Variants in KCND3 observed in about 807,000 individuals in gnomAD.
KCND3 encodes potassium voltage-gated channel subfamily D member 3.
In KCND3, 9 loss-of-function variants were observed where a neutral mutation model predicts 51.1. The observed-to-expected ratio is 0.18, with a 90% CI of 0.11 to 0.31. KCND3 has a LOEUF of 0.31. Among genes scored for constraint, KCND3 ranks in the 10% least tolerant of loss-of-function variants. The pLI is 1.00. For missense variants in KCND3, 526 were observed against 903.8 expected (o/e 0.58, Z 5.36); for synonymous variants, 349 against 368.0 (o/e 0.95, Z 0.59).
At chr1:111,879,970 C>T (rs1669228796) in intron 2 of KCND3, among the ~76,000 whole-genome samples, 1 of 152,084 alleles carries the variant, frequency 6.6e-6, no homozygotes. Context: ...TTCATTTCCT[C>T]ATTTGAAAAA....
At chr1:111,883,207 G>A (rs1669419318) in intron 2 of KCND3, among the ~76,000 whole-genome samples, 1 of 152,220 alleles carries the variant, frequency 6.6e-6, no homozygotes, top group Admixed American at 6.5e-5. Flanking sequence ...CACGTGCCAG[G>A]CACTGAGCCA....
intron 2 of KCND3, among the ~76,000 whole-genome samples, chr1:111,806,948 C>T (rs1181146402): frequency 6.6e-6 from 1 of 152,210 alleles, no homozygotes; most frequent in African/African-American, 2.4e-5. Flanking sequence ...TAAATATCCC[C>T]TCTATGGACT....
At position 111,938,424 on chromosome 1, in the gene KCND3, T is replaced by G. The variant is rs889424342; in HGVS notation, c.1106+43197A>C. ...TCTATGTGCCAGGCTAGAGTCAGAA[T>G]GTAATAGGAAATAAAGCAGTGAAGT... is the stretch of plus-strand genomic sequence containing the variant. On this transcript the variant is annotated intron_variant, in intron 2 of 7. Transcript: ENST00000302127. Among the ~76,000 whole-genome samples the G allele has an allele frequency of 3.9e-5, 6 of 152,290 alleles. No individual in the cohort carries two copies. The East Asian group carries it at 1.2e-3, about 29-fold the overall frequency.
intron 3 of KCND3, among the ~76,000 whole-genome samples, chr1:111,786,038 A>G (rs1047283004): frequency 6.6e-6 from 1 of 152,226 alleles, no homozygotes; most frequent in African/African-American, 2.4e-5. Flanking sequence ...CTGGGGGCTG[A>G]GATGCTGCTG....
chr1:111,781,223 G>A (rs1000622029), intron 3 of KCND3, among the ~76,000 whole-genome samples: 3 of 152,170 alleles, frequency 2.0e-5, no homozygotes, highest in Non-Finnish European at 4.4e-5. Flanking sequence ...GCATATAGTA[G>A]GTCCCCAAGT....
Position 111,981,890 on chromosome 1 carries a change from G to A in KCND3, c.837C>T (p.Asn279=), listed in dbSNP as rs761397595. The change falls in exon 2 of 8, where the codon AAC becomes AAT. Residue 279 remains asparagine (N), a synonymous_variant. Transcript: ENST00000302127. This position sits in a 1 kb window ranked among gnomAD's most constrained non-coding sequence, Gnocchi z 6.2. ...PYYIGLVMTN[N]EDVSGAFVTL... ...TGACGAAGGCGCCGGACACGTCCTC[G>A]TTGTTGGTCATGACCAGACCGATGT... 5.6e-6 allele frequency: 9 copies of A among 1,613,990 alleles called. No homozygotes were observed. Among genetic ancestry groups the A allele is most frequent in the African/African-American group, 1.3e-5 (1 of 74,900 alleles).
chr1:111,957,686 G>T (rs892796110), intron 2 of KCND3, among the ~76,000 whole-genome samples: 16 of 152,198 alleles, frequency 1.1e-4, no homozygotes, highest in Admixed American at 6.5e-4. Flanking sequence ...TGGACCTGGT[G>T]TCAGGCTCCT....
At chr1:111,820,403 C>T (rs1666291583) in intron 2 of KCND3, among the ~76,000 whole-genome samples, 1 of 152,218 alleles carries the variant, frequency 6.6e-6, no homozygotes, top group Non-Finnish European at 1.5e-5. Context: ...ACATCATCTT[C>T]TTGTGCCTTG....
intron 2 of KCND3, among the ~76,000 whole-genome samples, chr1:111,808,186 G>A (rs1044222687): frequency 6.6e-6 from 1 of 152,150 alleles, no homozygotes; most frequent in Non-Finnish European, 1.5e-5. Flanking sequence ...AGAGAAGTAG[G>A]AACTCAATAA....
intron 2 of KCND3, among the ~76,000 whole-genome samples, chr1:111,885,012 C>G (rs1268155748): frequency 6.6e-6 from 1 of 152,124 alleles, no homozygotes; most frequent in African/African-American, 2.4e-5. Flanking sequence ...ATGTGACAAC[C>G]AAAAATGTCT....
chr1:111,898,660 A>G (rs1670240984), intron 2 of KCND3, among the ~76,000 whole-genome samples: 1 of 152,212 alleles, frequency 6.6e-6, no homozygotes, highest in African/African-American at 2.4e-5. Flanking sequence ...GTGTGCTTCA[A>G]CTGTACACAA....
intron 2 of KCND3, among the ~76,000 whole-genome samples, chr1:111,816,881 GAC>G (rs1666113211): frequency 6.6e-6 from 1 of 152,142 alleles, no homozygotes; most frequent in Non-Finnish European, 1.5e-5. Flanking sequence ...CACACCTACT[GAC>G]ACACACTTGG....
chr1:111,958,920 C>A (rs1331916582), intron 2 of KCND3, among the ~76,000 whole-genome samples: 1 of 152,200 alleles, frequency 6.6e-6, no homozygotes, highest in African/African-American at 2.4e-5. Context: ...GGCCATATGC[C>A]ATGTTCTCCA....
intron 2 of KCND3, among the ~76,000 whole-genome samples, chr1:111,885,020 T>A (rs970222218): frequency 7.9e-5 from 12 of 152,158 alleles, no homozygotes; most frequent in African/African-American, 2.7e-4. Context: ...ACCAAAAATG[T>A]CTCCAGACAT....
chr1:111,776,191 G>T lies in KCND3; in HGVS notation c.1854C>A (p.Pro618=), dbSNP rs1664100783. 1.2e-6 allele frequency: 2 copies of T among 1,614,118 alleles called. No individual in the cohort carries two copies. Among genetic ancestry groups the T allele is most frequent in the Non-Finnish European group, 1.7e-6 (2 of 1,180,052 alleles). The change falls in exon 8 of 8, where the codon CCC becomes CCA. Residue 618 remains proline (P), a synonymous_variant. Coordinates refer to ENST00000302127, the MANE Select transcript of KCND3 (RefSeq NM_001378969.1). The part of the protein sequence containing the change: ...SQITTAIISI[P]TPPALTPEGE... ...CCTCTGGGGTTAGCGCTGGGGGAGTGGGGATGCTGATGATGGCTGTGGTGA... is the reference window on the plus strand; with the variant it reads ...CCTCTGGGGTTAGCGCTGGGGGAGTTGGGATGCTGATGATGGCTGTGGTGA...
chr1:111,958,241 G>C (rs1034270204), intron 2 of KCND3, among the ~76,000 whole-genome samples: 32 of 152,168 alleles, frequency 2.1e-4, no homozygotes, highest in African/African-American at 7.2e-4. Context: ...CTCATGTAAA[G>C]AGCATCCAAC....
At chr1:111,895,714 G>C (rs1670075574) in intron 2 of KCND3, among the ~76,000 whole-genome samples, 1 of 152,234 alleles carries the variant, frequency 6.6e-6, no homozygotes, top group South Asian at 2.1e-4. Context: ...CTGCCGTGGG[G>C]AGTGGAGGGG....
chr1:111,782,752 T>C (rs1270514801), intron 3 of KCND3, among the ~76,000 whole-genome samples: 1 of 152,230 alleles, frequency 6.6e-6, no homozygotes, highest in Non-Finnish European at 1.5e-5. Context: ...CCTGTTCTTC[T>C]TTGTGGCACT....
intron 2 of KCND3, among the ~76,000 whole-genome samples, chr1:111,958,128 T>C (rs761954557): frequency 2.0e-5 from 3 of 152,192 alleles, no homozygotes; most frequent in Non-Finnish European, 4.4e-5. Context: ...GGAGACAGGC[T>C]GTCCCCAAAC....
Sources: allele counts gnomAD v4.1 joint callset (sites outside exome capture counted in the v4.1 genomes callset), GRCh38; gene constraint gnomAD v4.1.1; non-coding constraint Gnocchi (gnomAD v3.1); transcripts MANE v1.5; gene names NCBI Gene and HGNC (gene_info 2026-07-23, HGNC 2026-07-21).